CAMK1D: variants seen among roughly 807,000 people sequenced by gnomAD.
The protein encoded by CAMK1D is calcium/calmodulin-dependent protein kinase type 1D.
A neutral mutation model predicts 47.7 loss-of-function variants in CAMK1D; 9 were observed. The ratio of observed to expected loss-of-function variants is 0.19; its 90% confidence interval spans 0.11 to 0.33. CAMK1D has a LOEUF of 0.33. Ranked by LOEUF, CAMK1D falls within the 10% of genes least tolerant of loss-of-function variation. CAMK1D has a pLI of 1.00. For missense variants in CAMK1D, 291 were observed against 488.7 expected, an observed-to-expected ratio of 0.60 and a Z score of 3.81; for synonymous variants, 184 against 184.9, an observed-to-expected ratio of 0.99 and a Z score of 0.04.
intron 3 of CAMK1D, among the ~76,000 whole-genome samples, chr10:12,737,966 C>T (rs1270562887): frequency 6.6e-6 from 1 of 152,094 alleles, no homozygotes; most frequent in African/African-American, 2.4e-5. Flanking sequence ...GTAATAAAAT[C>T]TTAAAATAAT....
chr10:12,731,519 C>G (rs964310166), intron 3 of CAMK1D, among the ~76,000 whole-genome samples: 1 of 152,200 alleles, frequency 6.6e-6, no homozygotes, highest in African/African-American at 2.4e-5. Context: ...GTACATGTTT[C>G]CACCTCATGT....
intron 1 of CAMK1D, among the ~76,000 whole-genome samples, chr10:12,439,004 T>C (rs1164174814): frequency 6.6e-6 from 1 of 152,226 alleles, no homozygotes; most frequent in Non-Finnish European, 1.5e-5. Context: ...TGGTGCAGGC[T>C]CTTTCCTGTC....
chr10:12,639,569 T>A (rs1839611535), intron 2 of CAMK1D, among the ~76,000 whole-genome samples: 1 of 152,114 alleles, frequency 6.6e-6, no homozygotes, highest in South Asian at 2.1e-4. Context: ...AAATTTAATT[T>A]TTCCCCCCAA....
At chr10:12,663,398 A>G (rs1257413139) in intron 2 of CAMK1D, among the ~76,000 whole-genome samples, 1 of 152,210 alleles carries the variant, frequency 6.6e-6, no homozygotes, top group Non-Finnish European at 1.5e-5. Flanking sequence ...TTGTAGGAAG[A>G]CTGGTCAGCA....
At chr10:12,406,281 T>C (rs539595768) in intron 1 of CAMK1D, among the ~76,000 whole-genome samples, 1 of 152,316 alleles carries the variant, frequency 6.6e-6, no homozygotes, top group South Asian at 2.1e-4. Flanking sequence ...GCTCCCTCCC[T>C]GGTTCAGGAC....
At chr10:12,457,362 G>T (rs1833282445) in intron 1 of CAMK1D, among the ~76,000 whole-genome samples, 1 of 151,498 alleles carries the variant, frequency 6.6e-6, no homozygotes, top group Admixed American at 6.6e-5. Flanking sequence ...CTGCCCTCCA[G>T]CCTGGGTGAC....
At chr10:12,687,064 G>C (rs765920102) in intron 3 of CAMK1D, among the ~76,000 whole-genome samples, 5 of 152,142 alleles carry the variant, frequency 3.3e-5, no homozygotes, top group Non-Finnish European at 5.9e-5. Context: ...TCTGTAGAGA[G>C]ATATGATTGA....
chr10:12,675,282 G>A (rs1172947246), intron 3 of CAMK1D, among the ~76,000 whole-genome samples: 1 of 152,108 alleles, frequency 6.6e-6, no homozygotes, highest in Non-Finnish European at 1.5e-5. Flanking sequence ...TCTCCAGCCT[G>A]GAGCCCTGTC....
intron 1 of CAMK1D, among the ~76,000 whole-genome samples, chr10:12,469,085 TC>T (rs943366762): frequency 7.3e-5 from 11 of 151,668 alleles, no homozygotes; most frequent in African/African-American, 1.9e-4. Flanking sequence ...GACCTGTAGC[TC>T]CCCGGATAAA....
intron 2 of CAMK1D, among the ~76,000 whole-genome samples, chr10:12,608,434 A>T (rs1479892347): frequency 6.6e-6 from 1 of 152,166 alleles, no homozygotes; most frequent in African/African-American, 2.4e-5. Context: ...AAGAACAAAC[A>T]TATTTATGTG....
chr10:12,629,791 T>C (rs1839324574), intron 2 of CAMK1D, among the ~76,000 whole-genome samples: 2 of 152,238 alleles, frequency 1.3e-5, no homozygotes, highest in Admixed American at 1.3e-4. Context: ...AGCAAGGGGT[T>C]CTGGATACAG....
intron 2 of CAMK1D, among the ~76,000 whole-genome samples, chr10:12,610,804 CT>C (rs1279020801): frequency 1.3e-5 from 2 of 152,200 alleles, no homozygotes; most frequent in Non-Finnish European, 2.9e-5. Flanking sequence ...GCTTTCCAGC[CT>C]AACCTGACTT....
At position 12,671,192 on chromosome 10, in the gene CAMK1D, C is replaced by T. The variant is rs118020866; in HGVS notation, c.299+4382C>T. ...TCTGGATATATCACATTTTGTTTCT[C>T]TGTTTTTCAGTTGATGGACATTTAG... On this transcript the variant is annotated intron_variant, in intron 3 of 10. Transcript: ENST00000619168. Among the ~76,000 whole-genome samples the T allele has an allele frequency of 2.1e-3, 321 of 152,204 alleles. 2 individuals carry two copies. Among genetic ancestry groups the T allele is most frequent in the East Asian group, 0.01 (53 of 5,182 alleles).
intron 1 of CAMK1D, among the ~76,000 whole-genome samples, chr10:12,409,701 T>C (rs909642274): frequency 2.6e-5 from 4 of 152,272 alleles, no homozygotes; most frequent in Non-Finnish European, 5.9e-5. Context: ...ATTGTGGTAA[T>C]ATATAAAACA....
At chr10:12,380,742 G>A (rs1838317507) in intron 1 of CAMK1D, among the ~76,000 whole-genome samples, 1 of 152,146 alleles carries the variant, frequency 6.6e-6, no homozygotes, top group South Asian at 2.1e-4. Flanking sequence ...TGTAGTCCCA[G>A]CTACTCATCA....
intron 1 of CAMK1D, among the ~76,000 whole-genome samples, chr10:12,544,565 G>A (rs556443857): frequency 5.9e-5 from 9 of 152,362 alleles, no homozygotes; most frequent in South Asian, 2.1e-4. Flanking sequence ...ATAAGTGCAT[G>A]TTTTAAAATA....
chr10:12,424,561 T>C (rs1439257136), intron 1 of CAMK1D, among the ~76,000 whole-genome samples: 1 of 152,226 alleles, frequency 6.6e-6, no homozygotes, highest in African/African-American at 2.4e-5. Context: ...TCTCGCTTCC[T>C]TCTATCTTGG....
intron 1 of CAMK1D, among the ~76,000 whole-genome samples, chr10:12,452,417 T>C (rs1193924095): frequency 1.3e-5 from 2 of 151,796 alleles, no homozygotes; most frequent in African/African-American, 4.8e-5. Context: ...TAAATATTTA[T>C]ACATTATAAA....
At chr10:12,699,390 C>A (rs980258302) in intron 3 of CAMK1D, among the ~76,000 whole-genome samples, 2 of 152,004 alleles carry the variant, frequency 1.3e-5, no homozygotes, top group Non-Finnish European at 2.9e-5. Context: ...CTGGGAAAGC[C>A]GTGTTTTGTT....
Sources: allele counts gnomAD v4.1 joint callset (sites outside exome capture counted in the v4.1 genomes callset), GRCh38; gene constraint gnomAD v4.1.1; transcripts MANE v1.5; gene names NCBI Gene and HGNC (gene_info 2026-07-23, HGNC 2026-07-21).